The following ADAM23 variants were observed in gnomAD, a reference collection of about 807,000 sequenced individuals.
ADAM23 encodes ADAM metallopeptidase domain 23, also known as disintegrin and metalloproteinase domain-containing protein 23.
Under a neutral mutation model 120.1 loss-of-function variants are expected in ADAM23, and 33 were observed. The observed-to-expected ratio is 0.27, with a 90% CI of 0.21 to 0.37. The LOEUF (loss-of-function observed/expected upper bound fraction) is 0.37. Ranked by LOEUF, ADAM23 falls within the 10% of genes least tolerant of loss-of-function variation. The probability of loss-of-function intolerance (pLI) is 1.00; values close to 1 mark genes in which losing one functional copy is unlikely to be tolerated. For missense variants in ADAM23, 862 were observed against 1,058.2 expected (o/e 0.81, Z 2.57); for synonymous variants, 367 against 375.2 (o/e 0.98, Z 0.25).
At chr2:206,500,305 A>T (rs527475726) in intron 3 of ADAM23, among the ~76,000 whole-genome samples, 1 of 152,226 alleles carries the variant, frequency 6.6e-6, no homozygotes, top group South Asian at 2.1e-4. Flanking sequence ...CTGGTAAGTA[A>T]TGATTAAATT....
Position 206,567,252 on chromosome 2 carries a change from G to T in ADAM23, c.1424G>T (p.Cys475Phe). The change falls in exon 15 of 26, where the codon TGC (cysteine) becomes TTC (phenylalanine). Residue 475 changes from cysteine (C) to phenylalanine (F), a missense_variant. Cys to Phe is a radical substitution (Grantham distance 205). Around this residue, in one of 4 missense-constraint regions of ADAM23, gnomAD observed 617 missense variants for 813.5 expected, o/e 0.76. Coordinates refer to ENST00000264377, the MANE Select transcript of ADAM23 (RefSeq NM_003812.4). The part of the protein sequence containing the change: ...GVSHSRKFSK[C>F]SILEYRDFLQ... ...TCCCATTCTCGAAAATTTTCAAAGTGCAGCATTTTGGAGTATAGAGACTTT... is the reference window on the plus strand; with the variant it reads ...TCCCATTCTCGAAAATTTTCAAAGTTCAGCATTTTGGAGTATAGAGACTTT... The T allele has an allele frequency of 6.2e-7, 1 of 1,613,844 alleles. No individual in the cohort carries two copies. The highest frequency in any genetic ancestry group is 8.5e-7 in the Non-Finnish European group (1 of 1,179,822).
chr2:206,559,088 G>A (rs1697706650), intron 10 of ADAM23, among the ~76,000 whole-genome samples: 1 of 152,140 alleles, frequency 6.6e-6, no homozygotes, highest in Non-Finnish European at 1.5e-5. Context: ...GGGACTACAG[G>A]CGCCCACCAT....
At chr2:206,575,371 C>A (rs898164976) in intron 18 of ADAM23, among the ~76,000 whole-genome samples, 1 of 152,130 alleles carries the variant, frequency 6.6e-6, no homozygotes, top group African/African-American at 2.4e-5. Flanking sequence ...ATAGTTAATT[C>A]TTTTCACGAT....
intron 3 of ADAM23, among the ~76,000 whole-genome samples, chr2:206,530,485 T>A (rs1209306187): frequency 6.6e-6 from 1 of 152,166 alleles, no homozygotes; most frequent in Admixed American, 6.5e-5. Context: ...TTGTTCTGTA[T>A]TAATTAACAT....
In ADAM23 at chr2:206,481,261, G is replaced by T. The variant is rs765613816; in HGVS notation, c.462G>T (p.Gln154His). ...KAVHLAQASF[Q>H]IEAFGSKFIL... ...TCCATCTGGCCCAGGCAAGCTTCCA[G>T]ATTGAAGCCTTCGGCTCCAAATTCA... is the stretch of plus-strand genomic sequence containing the variant. The change falls in exon 3 of 26, where the codon CAG becomes CAT. Residue 154 changes from glutamine (Q) to histidine (H), a missense_variant. Transcript: ENST00000264377. The T allele has an allele frequency of 8.1e-6, 13 of 1,610,160 alleles. No individual in the cohort carries two copies. Among genetic ancestry groups the T allele is most frequent in the Middle Eastern group, 3.3e-4 (2 of 6,062 alleles).
intron 2 of ADAM23, among the ~76,000 whole-genome samples, chr2:206,466,567 A>G (rs1695545932): frequency 6.6e-6 from 1 of 152,122 alleles, no homozygotes; most frequent in African/African-American, 2.4e-5. Context: ...TTTTATCCCT[A>G]ATATGCCCTT....
intron 2 of ADAM23, among the ~76,000 whole-genome samples, chr2:206,477,881 A>T (rs1228695328): frequency 2.6e-5 from 2 of 77,404 alleles, no homozygotes; most frequent in African/African-American, 9.9e-5. Flanking sequence ...ATATTCTGTT[A>T]AAAAAAAAAA....
intron 2 of ADAM23, among the ~76,000 whole-genome samples, chr2:206,459,557 A>G (rs1308431635): frequency 1.4e-4 from 22 of 152,200 alleles, no homozygotes. Context: ...ACTTGTATGA[A>G]ACACTTGTTT....
At chr2:206,487,357 T>C (rs1216180596) in intron 3 of ADAM23, among the ~76,000 whole-genome samples, 1 of 152,150 alleles carries the variant, frequency 6.6e-6, no homozygotes, top group Non-Finnish European at 1.5e-5. Context: ...GGGTCCACTA[T>C]GTAATCTTTT....
intron 2 of ADAM23, among the ~76,000 whole-genome samples, chr2:206,477,676 G>A (rs1471503997): frequency 1.3e-5 from 2 of 151,814 alleles, no homozygotes; most frequent in Admixed American, 6.6e-5. Flanking sequence ...AAACCTCACT[G>A]TATAGTTCCT....
intron 2 of ADAM23, among the ~76,000 whole-genome samples, chr2:206,455,194 T>A (rs1384160074): frequency 6.6e-6 from 1 of 152,250 alleles, no homozygotes; most frequent in Admixed American, 6.5e-5. Context: ...GCCTTGACTT[T>A]TACCTTCTGC....
At chr2:206,575,754 G>C (rs1022318420) in intron 18 of ADAM23, among the ~76,000 whole-genome samples, 1 of 152,126 alleles carries the variant, frequency 6.6e-6, no homozygotes, top group African/African-American at 2.4e-5. Flanking sequence ...GTATGGCACG[G>C]GGAGCAATGG....
intron 2 of ADAM23, among the ~76,000 whole-genome samples, chr2:206,480,587 A>G (rs1695876591): frequency 6.6e-6 from 1 of 152,012 alleles, no homozygotes; most frequent in Non-Finnish European, 1.5e-5. Flanking sequence ...AATAATCTTT[A>G]ACATCTAGTA....
Position 206,581,628 on chromosome 2 carries a change from T to C in ADAM23, c.1738-5697T>C, listed in dbSNP as rs1698220083. ...TTTTCTTAAATTTATTGAGGCTTGT[T>C]TTATGGCCTATCATATGGTCTATCT... On this transcript the variant is annotated intron_variant, in intron 18 of 25. Coordinates refer to ENST00000264377, the MANE Select transcript of ADAM23 (RefSeq NM_003812.4). 3.3e-5 allele frequency among the ~76,000 whole-genome samples: 5 copies of C among 152,198 alleles called. No homozygotes were observed. The South Asian group carries it at 1.0e-3, about 31-fold the overall frequency.
intron 3 of ADAM23, among the ~76,000 whole-genome samples, chr2:206,523,487 T>C (rs1696885978): frequency 1.3e-5 from 2 of 152,220 alleles, no homozygotes; most frequent in South Asian, 4.1e-4. Context: ...CATTGCTACA[T>C]GCTTAAATCC....
At chr2:206,491,822 G>T (rs1481071507) in intron 3 of ADAM23, among the ~76,000 whole-genome samples, 1 of 152,176 alleles carries the variant, frequency 6.6e-6, no homozygotes, top group Non-Finnish European at 1.5e-5. Context: ...GCCTGATGTA[G>T]TAGGGCATTC....
chr2:206,464,397 A>G (rs1179621217), intron 2 of ADAM23, among the ~76,000 whole-genome samples: 5 of 152,080 alleles, frequency 3.3e-5, no homozygotes, highest in Middle Eastern at 3.2e-3. Flanking sequence ...CAACATGGCA[A>G]AACCCCGTCT....
At chr2:206,494,397 T>C (rs1365363528) in intron 3 of ADAM23, among the ~76,000 whole-genome samples, 1 of 152,218 alleles carries the variant, frequency 6.6e-6, no homozygotes, top group East Asian at 1.9e-4. Context: ...AGGGTTTCTT[T>C]ATATGATTGC....
chr2:206,538,817 C>T (rs899183366), intron 4 of ADAM23, among the ~76,000 whole-genome samples: 6 of 152,108 alleles, frequency 3.9e-5, no homozygotes, highest in African/African-American at 1.4e-4. Flanking sequence ...TTCTACATTG[C>T]CCAGGCTGGT....
Sources: allele counts gnomAD v4.1 joint callset (sites outside exome capture counted in the v4.1 genomes callset), GRCh38; gene constraint gnomAD v4.1.1; regional missense constraint gnomAD v4.1.1; transcripts MANE v1.5; gene names NCBI Gene and HGNC (gene_info 2026-07-23, HGNC 2026-07-21).